LDLRAD4: variants seen among roughly 807,000 people sequenced by gnomAD.
LDLRAD4 encodes low density lipoprotein receptor class A domain containing 4, also known as low-density lipoprotein receptor class A domain-containing protein 4.
In LDLRAD4, 5 loss-of-function variants were observed where a neutral mutation model predicts 17.0. The ratio of observed to expected loss-of-function variants is 0.29; its 90% confidence interval spans 0.15 to 0.62. The LOEUF (loss-of-function observed/expected upper bound fraction) is 0.62, where lower values mean the gene tolerates loss of function less well. LDLRAD4 is among the 20% of genes least tolerant of loss of function. LDLRAD4 has a pLI of 0.84. For synonymous variants in LDLRAD4, 168 were observed against 171.8 expected (o/e 0.98, Z 0.17); for missense variants, 340 against 424.7 (o/e 0.80, Z 1.75).
At chr18:13,651,489 A>G (rs1166731439) in exon 6 of LDLRAD4, 1 of 152,266 alleles carries the variant, frequency 6.6e-6, no homozygotes, top group Non-Finnish European at 1.5e-5. Flanking sequence ...GTCCCATCAT[A>G]ATACGGACCC....
intron 3 of LDLRAD4, among the ~76,000 whole-genome samples, chr18:13,593,424 T>C (rs1167286714): frequency 1.3e-5 from 2 of 152,228 alleles, no homozygotes; most frequent in Non-Finnish European, 2.9e-5. Flanking sequence ...CTCGCGATGC[T>C]TTCCACAGTG....
At position 13,435,632 on chromosome 18, in the gene LDLRAD4, G is replaced by A. The variant is rs139945614; in HGVS notation, c.41-2612G>A. On this transcript the variant is annotated intron_variant, in intron 2 of 5. Coordinates refer to ENST00000359446, the Ensembl canonical transcript of LDLRAD4. Reference sequence around the variant, plus strand: ...TGGCTAATTTTTAAACTTTTTTGTAGAGACAGGGTCTCGCTTTGTTGCCCA... The same window carrying A: ...TGGCTAATTTTTAAACTTTTTTGTAAAGACAGGGTCTCGCTTTGTTGCCCA... Among the ~76,000 whole-genome samples, 16 of 152,186 alleles carry A rather than the reference G, an allele frequency of 1.1e-4. No homozygotes were observed. In the East Asian group the frequency reaches 3.1e-3, roughly 29 times the overall value.
chr18:13,624,450 CG>C, intron 4 of LDLRAD4, among the ~76,000 whole-genome samples: 1 of 152,348 alleles, frequency 6.6e-6, no homozygotes, highest in South Asian at 2.1e-4. Context: ...GGCCATGCCC[CG>C]CCTCCGCCAC....
Position 13,322,290 on chromosome 18 carries a change from C to CTTTTTTT in LDLRAD4, c.-383+44117_-383+44123dup, listed in dbSNP as rs370707500. On this transcript the variant is annotated intron_variant, in intron 1 of 5. Transcript: ENST00000359446. ...TTATTTAAGCCAGTCACTTTTCTCA[C>CTTTTTTT]TTTTTTTTTTTTTTTTTTTTTGGTT... 6.2e-3 allele frequency among the ~76,000 whole-genome samples: 675 copies of CTTTTTTT among 109,658 alleles called. 6 individuals are homozygous for CTTTTTTT. The highest frequency in any genetic ancestry group is 0.015 in the Middle Eastern group (2 of 132). The allele number at this position is 109,658 out of a possible 152,430, so 71.9% of individuals were successfully genotyped here.
At chr18:13,535,605 G>A (rs1202871408) in intron 3 of LDLRAD4, among the ~76,000 whole-genome samples, 2 of 151,990 alleles carry the variant, frequency 1.3e-5, no homozygotes, top group African/African-American at 4.8e-5. Flanking sequence ...CCTAGTCTGT[G>A]GTTTGTTTTT....
At chr18:13,229,494 C>G (rs546507967) in intron 1 of LDLRAD4, among the ~76,000 whole-genome samples, 1 of 152,206 alleles carries the variant, frequency 6.6e-6, no homozygotes, top group Non-Finnish European at 1.5e-5. Flanking sequence ...GACATCTGCC[C>G]TGCACTGGCA....
intron 1 of LDLRAD4, among the ~76,000 whole-genome samples, chr18:13,344,069 A>G (rs1393412507): frequency 6.6e-6 from 1 of 152,194 alleles, no homozygotes; most frequent in Non-Finnish European, 1.5e-5. Context: ...TTTGCTGTGC[A>G]GAAGCTCTTT....
At chr18:13,650,493 T>C in exon 6 of LDLRAD4, 1 of 397,588 alleles carries the variant, frequency 2.5e-6, no homozygotes, top group Non-Finnish European at 4.4e-6. Flanking sequence ...TGTCAGTTTT[T>C]CAGCAACTAA....
At chr18:13,236,267 C>A (rs1294963344) in intron 1 of LDLRAD4, among the ~76,000 whole-genome samples, 1 of 151,490 alleles carries the variant, frequency 6.6e-6, no homozygotes, top group African/African-American at 2.4e-5. Context: ...ATCTTTTCCC[C>A]CTGGAACCAT....
chr18:13,335,027 G>C (rs1036882711), intron 1 of LDLRAD4, among the ~76,000 whole-genome samples: 6 of 151,998 alleles, frequency 3.9e-5, no homozygotes, highest in Non-Finnish European at 8.8e-5. Context: ...TAGTTTTCAA[G>C]TCTTTTTCAT....
chr18:13,409,098 A>T (rs1302712853), intron 2 of LDLRAD4, among the ~76,000 whole-genome samples: 1 of 152,116 alleles, frequency 6.6e-6, no homozygotes, highest in African/African-American at 2.4e-5. Context: ...GCCCATGAAG[A>T]GCTGGGTTCT....
chr18:13,298,485 C>T (rs558073375), intron 1 of LDLRAD4, among the ~76,000 whole-genome samples: 3 of 132,972 alleles, frequency 2.3e-5, no homozygotes, highest in East Asian at 2.4e-4. Flanking sequence ...TGGAGCTGCT[C>T]CGGGCACGGT....
chr18:13,643,745 A>G (rs953050337), intron 5 of LDLRAD4, among the ~76,000 whole-genome samples: 1 of 152,274 alleles, frequency 6.6e-6, no homozygotes, highest in Non-Finnish European at 1.5e-5. Flanking sequence ...CACATCTCCA[A>G]GTGTAATAAT....
intron 2 of LDLRAD4, among the ~76,000 whole-genome samples, chr18:13,413,297 C>T (rs1877760887): frequency 6.6e-6 from 1 of 152,208 alleles, no homozygotes; most frequent in Non-Finnish European, 1.5e-5. Context: ...TATCACTGTA[C>T]GTGTTCACTA....
At chr18:13,278,029 A>C (rs1383035699), upstream of LDLRAD4, 1 of 152,140 alleles carries the variant, frequency 6.6e-6, no homozygotes, top group Non-Finnish European at 1.5e-5. Flanking sequence ...TCAAATATTT[A>C]ACTGTTTTTG....
In LDLRAD4 at chr18:13,621,776, G is replaced by A. The variant is rs969037640; in HGVS notation, c.336+505G>A. 1.3e-5 allele frequency among the ~76,000 whole-genome samples: 2 copies of A among 152,112 alleles called. No individual in the cohort carries two copies. Among genetic ancestry groups the A allele is most frequent in the Non-Finnish European group, 2.9e-5 (2 of 68,008 alleles). ...AGCTTAAGGCCTCGGGAGCTTCCTG[G>A]GGATCGGCGGTGGGGTTGTTGGCGG... On this transcript the variant is annotated intron_variant, in intron 4 of 5. Coordinates refer to ENST00000359446, the Ensembl canonical transcript of LDLRAD4. The surrounding 1 kb of genome is among the most constrained non-coding windows in gnomAD (Gnocchi z 5.5).
chr18:13,514,393 C>T lies in LDLRAD4; in HGVS notation c.181+76009C>T, dbSNP rs186188698. The T allele has an allele frequency of 4.1e-3, 623 of 152,262 alleles. 8 individuals carry two copies. Among genetic ancestry groups the T allele is most frequent in the African/African-American group, 0.014 (593 of 41,548 alleles). 9.4% of individuals were successfully genotyped at this position (152,262 alleles called of 1,614,324 possible). On this transcript the variant is annotated intron_variant, in intron 3 of 5. Coordinates refer to ENST00000359446, the Ensembl canonical transcript of LDLRAD4. Reference sequence around the variant, plus strand: ...CATATAATAAATATACAACAGATATCGATTCCATTTATAAAGCTTCCTTCC... The same window carrying T: ...CATATAATAAATATACAACAGATATTGATTCCATTTATAAAGCTTCCTTCC...
intron 3 of LDLRAD4, among the ~76,000 whole-genome samples, chr18:13,462,964 C>T (rs916274558): frequency 1.3e-5 from 2 of 152,100 alleles, no homozygotes; most frequent in Admixed American, 1.3e-4. Flanking sequence ...GCAGGGCTCT[C>T]TAGGGCAAGC....
intron 3 of LDLRAD4, among the ~76,000 whole-genome samples, chr18:13,562,644 C>G (rs1381841537): frequency 3.3e-5 from 5 of 152,202 alleles, no homozygotes; most frequent in African/African-American, 1.2e-4. Context: ...CCCATCGTCC[C>G]TAATGGCCCA....
Sources: gnomAD v4.1 joint callset for allele counts (sites outside exome capture counted in the v4.1 genomes callset) on GRCh38, gnomAD v4.1.1 for gene constraint, Gnocchi (gnomAD v3.1) non-coding constraint, MANE v1.5 for transcripts, NCBI Gene and HGNC (gene_info 2026-07-23, HGNC 2026-07-21) for gene names.